The following SHB variants were observed in gnomAD, a reference collection of about 807,000 sequenced individuals.
SHB encodes the protein SH2 domain containing adaptor protein B, also known as SH2 domain-containing adapter protein B.
SHB carries 20 observed loss-of-function variants against 52.3 expected under a neutral mutation model. The observed-to-expected ratio is 0.38, with a 90% CI of 0.27 to 0.56. The LOEUF (loss-of-function observed/expected upper bound fraction) is 0.56. SHB is among the 20% of genes least tolerant of loss of function. The probability of loss-of-function intolerance (pLI) is 0.71; values close to 1 mark genes in which losing one functional copy is unlikely to be tolerated. For missense variants in SHB, 825 were observed against 723.3 expected, an observed-to-expected ratio of 1.14 and a Z score of -1.61; for synonymous variants, 397 against 316.5, an observed-to-expected ratio of 1.25 and a Z score of -2.70.
At chr9:37,997,592 C>T (rs1015123079) in intron 2 of SHB, among the ~76,000 whole-genome samples, 7 of 152,160 alleles carry the variant, frequency 4.6e-5, no homozygotes, top group Non-Finnish European at 7.3e-5. Context: ...AATCTCTGGA[C>T]GCCCAGTGTA....
At chr9:38,065,346 A>C (rs1228323203) in intron 1 of SHB, among the ~76,000 whole-genome samples, 1 of 152,260 alleles carries the variant, frequency 6.6e-6, no homozygotes, top group East Asian at 1.9e-4. Context: ...TCTGCATCCC[A>C]AGGCTGCCCT....
intron 5 of SHB, among the ~76,000 whole-genome samples, chr9:37,936,129 T>C (rs1832367679): frequency 6.6e-6 from 1 of 151,688 alleles, no homozygotes; most frequent in Non-Finnish European, 1.5e-5. Context: ...GGCAGGAGAA[T>C]TGCTTGAACT....
chr9:38,066,694 T>C (rs1821965236), intron 1 of SHB, among the ~76,000 whole-genome samples: 1 of 152,050 alleles, frequency 6.6e-6, no homozygotes, highest in Non-Finnish European at 1.5e-5. Flanking sequence ...TCTGGGGACC[T>C]CGGGGAGGGG....
At chr9:37,948,484 T>C (rs1307615395) in intron 5 of SHB, 151 bp downstream of exon 5, 6 of 862,034 alleles carry the variant, frequency 7.0e-6, no homozygotes, top group African/African-American at 3.4e-5. Context: ...CCCAGGAGAA[T>C]AGGATCAAAT....
intron 1 of SHB, among the ~76,000 whole-genome samples, chr9:38,017,651 A>G (rs1268795659): frequency 1.3e-5 from 2 of 152,206 alleles, no homozygotes; most frequent in Non-Finnish European, 2.9e-5. Flanking sequence ...CCAGCACTGG[A>G]GCATCTATGG....
chr9:37,948,843 A>G, intron 4 of SHB, 89 bp from the exon 5 acceptor site: 1 of 1,541,612 alleles, frequency 6.5e-7, no homozygotes. Flanking sequence ...ACCCGCAGAG[A>G]GCCTCCCTGT....
intron 1 of SHB, among the ~76,000 whole-genome samples, chr9:38,055,188 A>T (rs999206510): frequency 7.9e-5 from 12 of 152,212 alleles, no homozygotes; most frequent in Non-Finnish European, 1.5e-5. Flanking sequence ...AGCCTCTTAG[A>T]ACCACAGTCA....
chr9:38,017,160 C>T (rs930999151), intron 1 of SHB, among the ~76,000 whole-genome samples: 14 of 152,208 alleles, frequency 9.2e-5, no homozygotes, highest in African/African-American at 2.9e-4. Flanking sequence ...TGCTTAGCCC[C>T]GCTTCATCAT....
chr9:38,032,751 C>T (rs957555560), intron 1 of SHB, among the ~76,000 whole-genome samples: 4 of 152,326 alleles, frequency 2.6e-5, no homozygotes, highest in African/African-American at 9.6e-5. Context: ...GCCAGTGCAG[C>T]GTGGCACAGT....
intron 1 of SHB, among the ~76,000 whole-genome samples, chr9:38,017,673 G>A (rs1364202365): frequency 6.6e-6 from 1 of 152,214 alleles, no homozygotes; most frequent in South Asian, 2.1e-4. Flanking sequence ...TCCCGCTGCC[G>A]CTACTCCACC....
chr9:37,939,807 T>C (rs1419544261), intron 5 of SHB, among the ~76,000 whole-genome samples: 2 of 152,202 alleles, frequency 1.3e-5, no homozygotes, highest in African/African-American at 4.8e-5. Context: ...AGTTTCTTTA[T>C]CTGTAAAAAT....
Position 37,919,879 on chromosome 9 carries a change from G to A in SHB, c.1472C>T (p.Pro491Leu). ...GGACAAGTGCTCAGCCCCTTTGATG[G>A]GTAGCTTTCTGGTGGTGTAGTAGTG... ...VIHYYTTRKL[P>L]IKGAEHLSLL... Residue 491 changes from proline (P) to leucine (L), a missense_variant, in exon 6 of 6, where the codon CCC (proline) becomes CTC (leucine). Pro to Leu is a moderately conservative substitution (Grantham distance 98, BLOSUM62 -3). Transcript: ENST00000377707. The A allele has an allele frequency of 6.2e-7, 1 of 1,614,098 alleles. No individual in the cohort carries two copies. Among genetic ancestry groups the A allele is most frequent in the Non-Finnish European group, 8.5e-7 (1 of 1,179,986 alleles).
intron 2 of SHB, among the ~76,000 whole-genome samples, chr9:37,984,848 C>T (rs144482316): frequency 1.5e-3 from 235 of 152,282 alleles, no homozygotes; most frequent in African/African-American, 5.5e-3. Flanking sequence ...GGTGCTTCAA[C>T]GTCTGAATTC....
intron 1 of SHB, among the ~76,000 whole-genome samples, chr9:38,066,339 C>T (rs1821960228): frequency 1.3e-5 from 2 of 152,170 alleles, no homozygotes; most frequent in Non-Finnish European, 2.9e-5. Context: ...TGCAGTTAGC[C>T]GTGACCCTCT....
chr9:37,980,998 G>A (rs544548026), intron 2 of SHB, among the ~76,000 whole-genome samples: 22 of 152,172 alleles, frequency 1.4e-4, no homozygotes, highest in Non-Finnish European at 3.1e-4. Context: ...CACAGGGCAC[G>A]AGCAGGGTAG....
At chr9:37,963,557 G>A (rs372581401) in intron 3 of SHB, among the ~76,000 whole-genome samples, 6 of 152,172 alleles carry the variant, frequency 3.9e-5, no homozygotes, top group Middle Eastern at 3.2e-3. Flanking sequence ...CCAAGGCCTT[G>A]CACAGTCCCT....
chr9:37,992,172 G>C (rs1432003527), intron 2 of SHB, among the ~76,000 whole-genome samples: 1 of 152,130 alleles, frequency 6.6e-6, no homozygotes, highest in Non-Finnish European at 1.5e-5. Context: ...AGGCCGAGGT[G>C]GGAGGGTCAC....
rs1222110615 is a variant in SHB, at chr9:37,924,279, C to A, written c.1347-4275G>T. 2.6e-5 allele frequency among the ~76,000 whole-genome samples: 4 copies of A among 152,338 alleles called. No homozygotes were observed. The East Asian group carries it at 5.8e-4, about 22-fold the overall frequency. ...ACGCAGGGCTAATAACAGGCCCCAC[C>A]TTGCAGCGCAATCACGGGCTTTAAT... On this transcript the variant is annotated intron_variant, in intron 5 of 5. Transcript: ENST00000377707.
At chr9:37,927,994 T>A (rs1477879130) in intron 5 of SHB, among the ~76,000 whole-genome samples, 2 of 151,248 alleles carry the variant, frequency 1.3e-5, no homozygotes, top group Admixed American at 6.6e-5. Context: ...TCTAGGAACA[T>A]GAAGGCCTGT....
Sources: allele counts gnomAD v4.1 joint callset (sites outside exome capture counted in the v4.1 genomes callset), GRCh38; gene constraint gnomAD v4.1.1; transcripts MANE v1.5; gene names NCBI Gene and HGNC (gene_info 2026-07-23, HGNC 2026-07-21).